PEX7: variants seen among roughly 807,000 people sequenced by gnomAD.
PEX7 encodes PTS2 receptor.
Under a neutral mutation model 47.5 loss-of-function variants are expected in PEX7, and 34 were observed. That is an observed-to-expected ratio of 0.72 (90% CI 0.54 to 0.95). PEX7 has a LOEUF of 0.95. Among genes scored for constraint, PEX7 ranks in the 40% least tolerant of loss-of-function variants. The pLI is 0.00. For missense variants in PEX7, 394 were observed against 400.3 expected, an observed-to-expected ratio of 0.98 and a Z score of 0.13; for synonymous variants, 141 against 148.8, an observed-to-expected ratio of 0.95 and a Z score of 0.38.
chr6:136,850,376 T>C (rs981223110), intron 5 of PEX7, among the ~76,000 whole-genome samples: 2 of 152,188 alleles, frequency 1.3e-5, no homozygotes, highest in Non-Finnish European at 2.9e-5. Flanking sequence ...TTAATATTGT[T>C]ATGTGTGAAT....
At chr6:136,828,688 T>C (rs1417532286) in intron 3 of PEX7, among the ~76,000 whole-genome samples, 1 of 152,172 alleles carries the variant, frequency 6.6e-6, no homozygotes, top group Admixed American at 6.6e-5. Context: ...CCTTTCAACA[T>C]ATACCTAATT....
Position 136,911,459 on chromosome 6 carries a change from G to C in PEX7, c.904-1999G>C, listed in dbSNP as rs536094287. Among the ~76,000 whole-genome samples the C allele has an allele frequency of 1.1e-3, 169 of 152,182 alleles. 1 individual carries two copies. The highest frequency in any genetic ancestry group is 3.8e-3 in the African/African-American group (158 of 41,508). Reference sequence around the variant, plus strand: ...CTCACTCTGTTGCCTAGGCTGGAGTGCAGTGGCATGATCTCGGCTCACTGC... The same window carrying C: ...CTCACTCTGTTGCCTAGGCTGGAGTCCAGTGGCATGATCTCGGCTCACTGC... On this transcript the variant is annotated intron_variant, in intron 9 of 9. Transcript: ENST00000318471.
chr6:136,895,277 CAATT>C (rs2115268764), intron 8 of PEX7, among the ~76,000 whole-genome samples: 1 of 152,170 alleles, frequency 6.6e-6, no homozygotes, highest in East Asian at 1.9e-4. Context: ...AAGCCATTAG[CAATT>C]AAATAATAAA....
chr6:136,909,825 A>G (rs2115294103), intron 9 of PEX7, among the ~76,000 whole-genome samples: 1 of 152,350 alleles, frequency 6.6e-6, no homozygotes, highest in East Asian at 1.9e-4. Context: ...TGAATAAATA[A>G]GAAGCTGGAT....
chr6:136,906,879 A>G lies in PEX7; in HGVS notation c.904-6579A>G, dbSNP rs1004633830. 2.0e-5 allele frequency among the ~76,000 whole-genome samples: 3 copies of G among 152,194 alleles called. No homozygotes were observed. In the East Asian group the frequency reaches 5.8e-4, roughly 29 times the overall value. On this transcript the variant is annotated intron_variant, in intron 9 of 9. Transcript: ENST00000318471. ...GTTTTTATCATTGTCATCTTTGCTC[A>G]GAAACCTTCAAGAGGAAGCCCATTA...
intron 9 of PEX7, among the ~76,000 whole-genome samples, chr6:136,902,167 C>G (rs1775764006): frequency 1.3e-5 from 2 of 152,174 alleles, no homozygotes; most frequent in East Asian, 3.8e-4. Context: ...TAATTTTACT[C>G]TTTGATCATT....
At chr6:136,854,655 C>T (rs539089030) in intron 5 of PEX7, among the ~76,000 whole-genome samples, 1 of 152,176 alleles carries the variant, frequency 6.6e-6, no homozygotes, top group African/African-American at 2.4e-5. Flanking sequence ...AATTAAAGTT[C>T]TTGTAAGGAT....
intron 5 of PEX7, among the ~76,000 whole-genome samples, chr6:136,855,427 C>T (rs568754831): frequency 4.0e-4 from 61 of 151,702 alleles, no homozygotes; most frequent in Middle Eastern, 3.4e-3. Flanking sequence ...GCAACTTCCG[C>T]CTCCCACCTT....
chr6:136,838,159 G>GTT (rs1774429036), intron 3 of PEX7, among the ~76,000 whole-genome samples: 1 of 152,158 alleles, frequency 6.6e-6, no homozygotes, highest in South Asian at 2.1e-4. Context: ...AAAACCATTA[G>GTT]TTTAAGATTG....
intron 5 of PEX7, 99 bp downstream of exon 5, chr6:136,846,280 A>G (rs1774599286): frequency 1.7e-6 from 1 of 603,010 alleles, no homozygotes; most frequent in South Asian, 2.3e-5. Flanking sequence ...CAGAGAGAAA[A>G]CAGGAGAATA....
intron 3 of PEX7, among the ~76,000 whole-genome samples, chr6:136,832,007 C>T (rs1463781379): frequency 6.6e-6 from 1 of 152,254 alleles, no homozygotes; most frequent in Non-Finnish European, 1.5e-5. Context: ...AGGCAGTGCC[C>T]CAGTGGGGAC....
At chr6:136,863,358 C>G (rs1445982880) in intron 5 of PEX7, among the ~76,000 whole-genome samples, 1 of 151,912 alleles carries the variant, frequency 6.6e-6, no homozygotes, top group African/African-American at 2.4e-5. Flanking sequence ...ATGTTTGTTA[C>G]TCTCATCTAT....
In PEX7 at chr6:136,845,683, T is replaced by C. The variant is rs776675774; in HGVS notation, c.408T>C (p.Thr136=). 3 of 1,599,764 alleles carry C rather than the reference T, an allele frequency of 1.9e-6. No homozygotes were observed. Among genetic ancestry groups the C allele is most frequent in the South Asian group, 1.1e-5 (1 of 90,784 alleles). The part of the protein sequence containing the change: ...QLVVSGSWDQ[T]VKLWDPTVGK... ...TGGTGTCTGGCTCATGGGATCAAAC[T>C]GTCAAATTGGTATGTTAGCATTATT... The change falls in exon 4 of 10, where the codon ACT becomes ACC. Residue 136 remains threonine, a synonymous_variant. Transcript: ENST00000318471.
intron 6 of PEX7, among the ~76,000 whole-genome samples, chr6:136,868,630 T>G (rs1039464624): frequency 6.6e-6 from 1 of 152,030 alleles, no homozygotes; most frequent in Non-Finnish European, 1.5e-5. Context: ...AACTGAAACT[T>G]TTCTTCAAAT....
intron 3 of PEX7, among the ~76,000 whole-genome samples, chr6:136,839,889 TTGTCTAA>T (rs1409386300): frequency 6.6e-6 from 1 of 152,164 alleles, no homozygotes; most frequent in East Asian, 1.9e-4. Context: ...AGGATTCTGG[TTGTCTAA>T]TGTCTAATGT....
At chr6:136,879,080 T>C (rs954884408) in intron 8 of PEX7, among the ~76,000 whole-genome samples, 2 of 152,200 alleles carry the variant, frequency 1.3e-5, no homozygotes, top group Non-Finnish European at 2.9e-5. Context: ...CGCTTTTTTT[T>C]CCCTTTTCCA....
At chr6:136,826,608 CTTA>C (rs1427349134) in intron 3 of PEX7, 139 bp downstream of exon 3, 14 of 993,970 alleles carry the variant, frequency 1.4e-5, no homozygotes, top group South Asian at 1.0e-4. Context: ...CTAGATGTCA[CTTA>C]TTATTTGATT....
intron 5 of PEX7, among the ~76,000 whole-genome samples, chr6:136,860,885 G>A (rs140668485): frequency 1.3e-5 from 2 of 152,164 alleles, no homozygotes; most frequent in African/African-American, 2.4e-5. Flanking sequence ...CCTTATAGTC[G>A]CTTCTCACCA....
chr6:136,878,913 G>A (rs905442654), intron 8 of PEX7, among the ~76,000 whole-genome samples: 4 of 151,502 alleles, frequency 2.6e-5, no homozygotes, highest in Non-Finnish European at 5.9e-5. Flanking sequence ...GTTTTTATAT[G>A]TTTTAGTGGT....
Sources: gnomAD v4.1 joint callset for allele counts (sites outside exome capture counted in the v4.1 genomes callset) on GRCh38, gnomAD v4.1.1 for gene constraint, MANE v1.5 for transcripts, NCBI Gene and HGNC (gene_info 2026-07-23, HGNC 2026-07-21) for gene names.